The following NUMB variants were observed in gnomAD, a reference collection of about 807,000 sequenced individuals.
The protein encoded by NUMB is protein numb homolog.
Under a neutral mutation model 59.7 loss-of-function variants are expected in NUMB, and 29 were observed. The ratio of observed to expected loss-of-function variants is 0.49; its 90% confidence interval spans 0.36 to 0.66. The LOEUF is 0.66. NUMB is among the 30% of genes least tolerant of loss of function. NUMB has a pLI of 0.00. For synonymous variants in NUMB, 288 were observed against 288.2 expected (o/e 1.00, Z 0.01); for missense variants, 723 against 822.0 (o/e 0.88, Z 1.47).
chr14:73,402,161 T>G (rs1481008315), intron 2 of NUMB, among the ~76,000 whole-genome samples: 1 of 152,314 alleles, frequency 6.6e-6, no homozygotes, highest in East Asian at 1.9e-4. Context: ...CCACTGCACC[T>G]GGCTAAAAAC....
At chr14:73,288,918 T>TG (rs1889203144) in intron 8 of NUMB, among the ~76,000 whole-genome samples, 1 of 151,714 alleles carries the variant, frequency 6.6e-6, no homozygotes, top group Non-Finnish European at 1.5e-5. Context: ...GTGGTGGTGG[T>TG]GTGTGTCTGT....
At chr14:73,361,759 A>T (rs1414280660) in intron 3 of NUMB, among the ~76,000 whole-genome samples, 2 of 152,208 alleles carry the variant, frequency 1.3e-5, no homozygotes, top group African/African-American at 4.8e-5. Flanking sequence ...CAGGATGGAA[A>T]TTTTTTTATT....
intron 2 of NUMB, among the ~76,000 whole-genome samples, chr14:73,387,552 C>A (rs1216994439): frequency 6.6e-6 from 1 of 151,886 alleles, no homozygotes; most frequent in African/African-American, 2.4e-5. Flanking sequence ...TGTTTGCTTT[C>A]CCTTCTGGCA....
rs1896910175 is a variant in NUMB at position 73,411,911 on chromosome 14, G to C, written c.-232-1843C>G. Among the ~76,000 whole-genome samples the C allele has an allele frequency of 2.8e-5, 4 of 143,136 alleles. No individual in the cohort carries two copies. The Admixed American group carries it at 2.9e-4, about 11-fold the overall frequency. The allele number at this position is 143,136 out of a possible 152,430, so 93.9% of individuals were successfully genotyped here. A position where few individuals can be genotyped will look rare whatever the true frequency, so the allele number is the denominator to read the frequency against. On this transcript the variant is annotated intron_variant, in intron 1 of 12. Coordinates refer to ENST00000555238, the MANE Select transcript of NUMB (RefSeq NM_001005743.2). Reference sequence around the variant, plus strand: ...CTGTTCCTGAATAAGAAGACAAGCAGCAATTAACTTTTTTTTTTTTTTTTT... The same window carrying C: ...CTGTTCCTGAATAAGAAGACAAGCACCAATTAACTTTTTTTTTTTTTTTTT...
At chr14:73,452,337 G>GC (rs922701111) in intron 1 of NUMB, among the ~76,000 whole-genome samples, 2 of 152,090 alleles carry the variant, frequency 1.3e-5, no homozygotes, top group Non-Finnish European at 2.9e-5. Flanking sequence ...TCCAGCCTGG[G>GC]CAACGAGAAC....
intron 2 of NUMB, among the ~76,000 whole-genome samples, chr14:73,393,984 G>C (rs1368442096): frequency 6.6e-6 from 1 of 151,858 alleles, no homozygotes; most frequent in Non-Finnish European, 1.5e-5. Flanking sequence ...ATTCTTTTTT[G>C]AGACGGAGTT....
In NUMB at chr14:73,275,619, T is replaced by C. The variant is rs1888101751; in HGVS notation, c.*959A>G. ...AGCAATATATAAAAGATATATTCTCTATAGAGCATATTTCGATTGATTCCA... is the reference window on the plus strand; with the variant it reads ...AGCAATATATAAAAGATATATTCTCCATAGAGCATATTTCGATTGATTCCA... On this transcript the variant is annotated 3_prime_UTR_variant, in exon 13 of 13. Transcript: ENST00000555238. 6.6e-6 allele frequency: 1 copy of C among 152,230 alleles called. No individual in the cohort carries two copies. The highest frequency in any genetic ancestry group is 1.5e-5 in the Non-Finnish European group (1 of 68,042). The allele number at this position is 152,230 out of a possible 1,614,324, so 9.4% of individuals were successfully genotyped here.
At chr14:73,440,019 T>C (rs1327653312) in intron 1 of NUMB, among the ~76,000 whole-genome samples, 1 of 152,114 alleles carries the variant, frequency 6.6e-6, no homozygotes, top group Non-Finnish European at 1.5e-5. Context: ...AACCTATTCT[T>C]GCAACTCTAA....
chr14:73,356,678 A>T (rs1299075868), intron 3 of NUMB, among the ~76,000 whole-genome samples: 1 of 152,176 alleles, frequency 6.6e-6, no homozygotes, highest in African/African-American at 2.4e-5. Context: ...AAAATGTGCT[A>T]CTAGGACTAA....
chr14:73,399,523 A>T (rs1181114946), intron 2 of NUMB, among the ~76,000 whole-genome samples: 2 of 152,176 alleles, frequency 1.3e-5, no homozygotes, highest in Non-Finnish European at 2.9e-5. Context: ...AGATTGTGCC[A>T]TTGCACTCCA....
intron 2 of NUMB, among the ~76,000 whole-genome samples, chr14:73,371,523 G>C (rs946239150): frequency 4.0e-5 from 6 of 151,044 alleles, no homozygotes; most frequent in African/African-American, 1.5e-4. Flanking sequence ...GAAAGAGCAA[G>C]ACTCCATCTC....
chr14:73,348,075 A>G (rs1324061006), intron 4 of NUMB, among the ~76,000 whole-genome samples: 2 of 152,140 alleles, frequency 1.3e-5, no homozygotes, highest in African/African-American at 4.8e-5. Flanking sequence ...CCAACACCCT[A>G]CCAGTTGCCA....
chr14:73,449,340 C>G (rs1220930834), intron 1 of NUMB, among the ~76,000 whole-genome samples: 1 of 152,050 alleles, frequency 6.6e-6, no homozygotes, highest in African/African-American at 2.4e-5. Flanking sequence ...CCTGTATTTG[C>G]ATATAACCTG....
chr14:73,446,249 A>C (rs1480159383), intron 1 of NUMB, among the ~76,000 whole-genome samples: 4 of 152,060 alleles, frequency 2.6e-5, no homozygotes, highest in Admixed American at 2.6e-4. Context: ...CTTCTGCCTC[A>C]GCCTTCCAGA....
chr14:73,334,747 C>T (rs1892197700), intron 4 of NUMB, among the ~76,000 whole-genome samples: 1 of 151,940 alleles, frequency 6.6e-6, no homozygotes, highest in Non-Finnish European at 1.5e-5. Context: ...GAGTTCGAGA[C>T]CAACCTGGCC....
chr14:73,379,981 T>C (rs1895150575), intron 2 of NUMB, among the ~76,000 whole-genome samples: 1 of 152,192 alleles, frequency 6.6e-6, no homozygotes, highest in Admixed American at 6.5e-5. Context: ...TATTGTATTA[T>C]AAATAGATCA....
rs114084150 is a variant in NUMB at position 73,292,855 on chromosome 14, G to A, written c.329C>T (p.Thr110Met). 11 of 1,614,146 alleles carry A rather than the reference G, an allele frequency of 6.8e-6. No individual in the cohort carries two copies. The highest frequency in any genetic ancestry group is 4.0e-5 in the African/African-American group (3 of 75,030). Residue 110 changes from threonine to methionine, a missense_variant, in exon 8 of 13, where the codon ACG (threonine) becomes ATG (methionine). Thr to Met is a moderately conservative substitution (Grantham distance 81, BLOSUM62 -1). Around this residue, in one of 2 missense-constraint regions of NUMB, gnomAD observed 317 missense variants for 436.6 expected, o/e 0.73. Coordinates refer to ENST00000555238, the MANE Select transcript of NUMB (RefSeq NM_001005743.2). ...EKTKDLIVDQ[T>M]IEKVSFCAPD... ...GGCACAGAAAGAAACTTTCTCTATC[G>A]TCTGGTCAACTATGAGGTCCTAGAA...
At chr14:73,396,612 C>T (rs1896152060) in intron 2 of NUMB, among the ~76,000 whole-genome samples, 2 of 151,996 alleles carry the variant, frequency 1.3e-5, no homozygotes, top group Admixed American at 1.3e-4. Context: ...TCAACTGATA[C>T]TCCTGTCTTA....
chr14:73,401,631 A>G (rs1225441154), intron 2 of NUMB, among the ~76,000 whole-genome samples: 12 of 135,192 alleles, frequency 8.9e-5, no homozygotes, highest in Non-Finnish European at 1.7e-4. Context: ...GTGCAGTGGC[A>G]TGACCTTGGC....
Sources: gnomAD v4.1 joint callset for allele counts (sites outside exome capture counted in the v4.1 genomes callset) on GRCh38, gnomAD v4.1.1 for gene constraint, gnomAD v4.1.1 regional missense constraint, MANE v1.5 for transcripts, NCBI Gene and HGNC (gene_info 2026-07-23, HGNC 2026-07-21) for gene names.